Variants in PTPRD observed in about 807,000 individuals in gnomAD.
PTPRD encodes the protein receptor-type tyrosine-protein phosphatase delta.
Under a neutral mutation model 214.5 loss-of-function variants are expected in PTPRD, and 34 were observed. The ratio of observed to expected loss-of-function variants is 0.16; its 90% CI spans 0.12 to 0.21. PTPRD has a LOEUF of 0.21. PTPRD is among the 10% of genes least tolerant of loss of function. PTPRD has a pLI of 1.00. For missense variants in PTPRD, 2,545 were observed against 2,398.7 expected, an observed-to-expected ratio of 1.06 and a Z score of -1.27; for synonymous variants, 1,128 against 845.7, an observed-to-expected ratio of 1.33 and a Z score of -5.79.
chr9:8,426,859 A>G (rs2094712008), intron 35 of PTPRD, among the ~76,000 whole-genome samples: 1 of 151,928 alleles, frequency 6.6e-6, no homozygotes, highest in African/African-American at 2.4e-5. Flanking sequence ...AGTAGAACTA[A>G]GCTTTGGAAC....
At chr9:8,585,789 T>A (rs2093607774) in intron 14 of PTPRD, among the ~76,000 whole-genome samples, 1 of 152,210 alleles carries the variant, frequency 6.6e-6, no homozygotes, top group South Asian at 2.1e-4. Flanking sequence ...ACTTCTGATT[T>A]CTCTGCCTGT....
chr9:9,383,269 C>G (rs2062872980), intron 9 of PTPRD, among the ~76,000 whole-genome samples: 1 of 151,994 alleles, frequency 6.6e-6, no homozygotes, highest in African/African-American at 2.4e-5. Context: ...TTTTCTCATA[C>G]TATCCAATGA....
intron 5 of PTPRD, among the ~76,000 whole-genome samples, chr9:9,855,931 G>C (rs901844428): frequency 6.6e-6 from 1 of 152,192 alleles, no homozygotes; most frequent in Non-Finnish European, 1.5e-5. Flanking sequence ...TGAGGGTAAA[G>C]GGGCCAGTGT....
chr9:9,452,330 G>C lies in PTPRD; in HGVS notation c.-236-54848C>G, dbSNP rs373444103. On this transcript the variant is annotated intron_variant, in intron 8 of 45. Coordinates refer to ENST00000381196, the MANE Select transcript of PTPRD (RefSeq NM_002839.4). Reference sequence around the variant, plus strand: ...CATTAAAAATATCTTTTAAAACTGAGAACAAAGTAGTAGAGTTTACTACCA... The same window carrying C: ...CATTAAAAATATCTTTTAAAACTGACAACAAAGTAGTAGAGTTTACTACCA... Among the ~76,000 whole-genome samples, 5 of 151,252 alleles carry C rather than the reference G, an allele frequency of 3.3e-5. No individual in the cohort carries two copies. The East Asian group carries it at 5.8e-4, about 18-fold the overall frequency.
intron 14 of PTPRD, among the ~76,000 whole-genome samples, chr9:8,587,419 T>C (rs1049246793): frequency 6.6e-6 from 1 of 152,186 alleles, no homozygotes; most frequent in African/African-American, 2.4e-5. Context: ...TCACTGACCT[T>C]TTCCTAATAC....
At chr9:8,657,462 C>T (rs1315761120) in intron 12 of PTPRD, among the ~76,000 whole-genome samples, 1 of 152,052 alleles carries the variant, frequency 6.6e-6, no homozygotes, top group South Asian at 2.1e-4. Flanking sequence ...AGCCACCGTG[C>T]CCGGCCTGCC....
chr9:9,535,719 G>C lies in PTPRD; in HGVS notation c.-237+39013C>G, dbSNP rs528380289. 2.3e-3 allele frequency among the ~76,000 whole-genome samples: 346 copies of C among 152,122 alleles called. 2 individuals are homozygous for C. Among genetic ancestry groups the C allele is most frequent in the Non-Finnish European group, 3.8e-3 (258 of 67,992 alleles). On this transcript the variant is annotated intron_variant, in intron 8 of 45. Transcript: ENST00000381196. ...AGCAGAAATGTGAGCTCACGTTAAA[G>C]GGCCTGGAAGTGTTACAGAAAAACA...
intron 11 of PTPRD, among the ~76,000 whole-genome samples, chr9:8,767,717 T>G (rs566582175): frequency 1.3e-5 from 2 of 152,156 alleles, no homozygotes; most frequent in African/African-American, 4.8e-5. Context: ...TTAATTCGGA[T>G]GCTCAGGTCA....
intron 39 of PTPRD, among the ~76,000 whole-genome samples, chr9:8,347,063 G>C (rs1249138132): frequency 6.6e-6 from 1 of 151,902 alleles, no homozygotes; most frequent in Non-Finnish European, 1.5e-5. Context: ...CATCCACTGG[G>C]GATGTTGGAT....
chr9:9,114,856 A>G (rs1277087194), intron 10 of PTPRD, among the ~76,000 whole-genome samples: 1 of 152,088 alleles, frequency 6.6e-6, no homozygotes, highest in African/African-American at 2.4e-5. Flanking sequence ...TTCTAGGTGG[A>G]AGCTCCCATG....
intron 3 of PTPRD, among the ~76,000 whole-genome samples, chr9:10,221,347 ATT>A (rs1306289480): frequency 1.3e-5 from 2 of 152,010 alleles, no homozygotes; most frequent in African/African-American, 4.8e-5. Context: ...ACTCGATATC[ATT>A]TTTATATGAT....
intron 5 of PTPRD, among the ~76,000 whole-genome samples, chr9:9,887,603 A>C (rs928375309): frequency 2.6e-5 from 4 of 152,164 alleles, no homozygotes; most frequent in Admixed American, 2.6e-4. Context: ...TGAGAACATC[A>C]GTGTACCATG....
At chr9:9,960,596 T>C (rs1293652022) in intron 4 of PTPRD, among the ~76,000 whole-genome samples, 1 of 152,104 alleles carries the variant, frequency 6.6e-6, no homozygotes, top group Non-Finnish European at 1.5e-5. Flanking sequence ...AAATGGTACT[T>C]GACCTCTGTG....
intron 3 of PTPRD, among the ~76,000 whole-genome samples, chr9:10,131,548 C>A (rs991715189): frequency 6.6e-6 from 1 of 152,254 alleles, no homozygotes; most frequent in East Asian, 1.9e-4. Flanking sequence ...GTCTCAGAAT[C>A]CCAAATCCGT....
chr9:8,430,513 G>A (rs950517881), intron 35 of PTPRD, among the ~76,000 whole-genome samples: 9 of 151,412 alleles, frequency 5.9e-5, no homozygotes, highest in Non-Finnish European at 1.3e-4. Context: ...CTGGACTCAA[G>A]CGATCTGCCC....
At chr9:10,015,085 T>C (rs1286248706) in intron 4 of PTPRD, among the ~76,000 whole-genome samples, 1 of 152,148 alleles carries the variant, frequency 6.6e-6, no homozygotes, top group Non-Finnish European at 1.5e-5. Context: ...TATGGAACTC[T>C]CACCACCTAC....
At chr9:9,264,054 C>G (rs1018552483) in intron 9 of PTPRD, among the ~76,000 whole-genome samples, 4 of 151,584 alleles carry the variant, frequency 2.6e-5, no homozygotes, top group Non-Finnish European at 3.0e-5. Context: ...TGAAGCCAGT[C>G]AGTAATGATT....
At chr9:9,376,621 T>C (rs547961006) in intron 9 of PTPRD, among the ~76,000 whole-genome samples, 1 of 152,234 alleles carries the variant, frequency 6.6e-6, no homozygotes, top group East Asian at 1.9e-4. Flanking sequence ...AGCTTTAAGA[T>C]ATGAAATGAA....
intron 11 of PTPRD, among the ~76,000 whole-genome samples, chr9:8,766,026 C>A (rs923926448): frequency 6.6e-6 from 1 of 151,830 alleles, no homozygotes; most frequent in Non-Finnish European, 1.5e-5. Flanking sequence ...TGGAATAGCC[C>A]AGCATCAGGG....
Sources: gnomAD v4.1 joint callset for allele counts (sites outside exome capture counted in the v4.1 genomes callset) on GRCh38, gnomAD v4.1.1 for gene constraint, MANE v1.5 for transcripts, NCBI Gene and HGNC (gene_info 2026-07-23, HGNC 2026-07-21) for gene names.